The following TRIM9 variants were observed in gnomAD, a reference collection of about 807,000 sequenced individuals.
TRIM9 encodes the protein E3 ubiquitin-protein ligase TRIM9.
Under a neutral mutation model 78.3 loss-of-function variants are expected in TRIM9, and 26 were observed. The observed-to-expected ratio is 0.33, with a 90% confidence interval of 0.24 to 0.46. The LOEUF (loss-of-function observed/expected upper bound fraction) is 0.46. Ranked by LOEUF, TRIM9 falls within the 20% of genes least tolerant of loss-of-function variation. The pLI is 1.00. For synonymous variants in TRIM9, 398 were observed against 416.5 expected (o/e 0.96, Z 0.54); for missense variants, 787 against 1,036.4 (o/e 0.76, Z 3.30).
intron 5 of TRIM9, among the ~76,000 whole-genome samples, chr14:51,006,732 GT>G (rs1250617331): frequency 2.0e-5 from 3 of 152,174 alleles, no homozygotes; most frequent in African/African-American, 7.2e-5. Context: ...ATGAATCATT[GT>G]TCTGTTTTTT....
chr14:51,051,246 T>C (rs1006728099), intron 1 of TRIM9, among the ~76,000 whole-genome samples: 2 of 152,190 alleles, frequency 1.3e-5, no homozygotes, highest in African/African-American at 4.8e-5. Context: ...CTTTTGTCTT[T>C]GCAAGAAAGG....
At chr14:51,016,965 G>T (rs998557139) in intron 3 of TRIM9, among the ~76,000 whole-genome samples, 2 of 152,186 alleles carry the variant, frequency 1.3e-5, no homozygotes, top group African/African-American at 4.8e-5. Flanking sequence ...TTGATCAGGA[G>T]GGAGTTTCTA....
At chr14:51,008,309 A>G (rs1274068508) in intron 5 of TRIM9, among the ~76,000 whole-genome samples, 1 of 152,224 alleles carries the variant, frequency 6.6e-6, no homozygotes, top group Non-Finnish European at 1.5e-5. Flanking sequence ...ATATTATGTT[A>G]TAGCTACAAG....
intron 3 of TRIM9, among the ~76,000 whole-genome samples, chr14:51,019,747 C>A (rs1209618519): frequency 6.6e-6 from 1 of 152,192 alleles, no homozygotes; most frequent in Non-Finnish European, 1.5e-5. Flanking sequence ...GGTACCACTT[C>A]CAGCCTTATT....
intron 8 of TRIM9, among the ~76,000 whole-genome samples, chr14:50,984,382 T>G (rs2052420531): frequency 2.0e-5 from 3 of 152,268 alleles, no homozygotes; most frequent in Admixed American, 2.0e-4. Context: ...ATGGCTGAGT[T>G]AAAAACAAAA....
At chr14:51,003,424 T>C (rs1741486913) in intron 5 of TRIM9, among the ~76,000 whole-genome samples, 1 of 152,146 alleles carries the variant, frequency 6.6e-6, no homozygotes, top group Admixed American at 6.5e-5. Context: ...TTCAGGTAAG[T>C]CTACATTTCA....
intron 1 of TRIM9, among the ~76,000 whole-genome samples, chr14:51,056,339 A>G (rs1449324646): frequency 6.6e-6 from 1 of 152,220 alleles, no homozygotes; most frequent in Non-Finnish European, 1.5e-5. Flanking sequence ...CTGTGGGTCC[A>G]ACCCACTAGA....
intron 1 of TRIM9, among the ~76,000 whole-genome samples, chr14:51,088,639 C>T (rs150884250): frequency 4.7e-5 from 7 of 149,602 alleles, no homozygotes; most frequent in South Asian, 4.2e-4. Context: ...GGAGTAATTT[C>T]GAGTTGGTAA....
At chr14:51,063,626 C>G (rs926966552) in intron 1 of TRIM9, among the ~76,000 whole-genome samples, 1 of 151,750 alleles carries the variant, frequency 6.6e-6, no homozygotes, top group African/African-American at 2.4e-5. Flanking sequence ...GGGAGTGACA[C>G]TATAAGTAAC....
At chr14:51,049,416 A>T (rs59978383) in intron 1 of TRIM9, among the ~76,000 whole-genome samples, 27 of 152,226 alleles carry the variant, frequency 1.8e-4, no homozygotes, top group African/African-American at 5.1e-4. Context: ...AGGCACATCT[A>T]CTACAGGGCT....
At chr14:50,982,713 T>C (rs575061825) in intron 10 of TRIM9, 2 of 507,568 alleles carry the variant, frequency 3.9e-6, no homozygotes, top group African/African-American at 3.8e-5. Context: ...ACAGTTTGCG[T>C]GCTACTCCTG....
chr14:50,988,604 C>T (rs1257288587), intron 7 of TRIM9, among the ~76,000 whole-genome samples: 1 of 149,822 alleles, frequency 6.7e-6, no homozygotes, highest in Non-Finnish European at 1.5e-5. Flanking sequence ...GTTTTTTCCC[C>T]ATCTATGACC....
chr14:51,061,610 T>A (rs1168209351), intron 1 of TRIM9, among the ~76,000 whole-genome samples: 1 of 152,142 alleles, frequency 6.6e-6, no homozygotes, highest in Non-Finnish European at 1.5e-5. Flanking sequence ...GAAAATATAT[T>A]CCCCTATATT....
intron 1 of TRIM9, among the ~76,000 whole-genome samples, chr14:51,063,043 G>A (rs1322086689): frequency 6.6e-6 from 1 of 152,142 alleles, no homozygotes; most frequent in African/African-American, 2.4e-5. Flanking sequence ...TGAGCCAGAT[G>A]TTGGAATTAG....
chr14:51,065,637 G>A (rs2055253873), intron 1 of TRIM9, among the ~76,000 whole-genome samples: 1 of 152,194 alleles, frequency 6.6e-6, no homozygotes, highest in African/African-American at 2.4e-5. Flanking sequence ...TTAGATTTAA[G>A]CTGATGAGGG....
In TRIM9 at chr14:51,003,209, C is replaced by T. The variant is rs546316944; in HGVS notation, c.1307-2369G>A. On this transcript the variant is annotated intron_variant, in intron 5 of 12. Coordinates refer to ENST00000684578, the MANE Select transcript of TRIM9 (RefSeq NM_001387360.1). ...TAAATTTGTTTTCTTTATTAAAATA[C>T]ATTTTTAACATATTTACTACGGAAG... Among the ~76,000 whole-genome samples, 305 of 152,220 alleles carry T rather than the reference C, an allele frequency of 2.0e-3. 1 individual carries two copies. The highest frequency in any genetic ancestry group is 3.3e-3 in the Non-Finnish European group (225 of 68,010).
chr14:51,061,635 T>C (rs975105095), intron 1 of TRIM9, among the ~76,000 whole-genome samples: 1 of 152,216 alleles, frequency 6.6e-6, no homozygotes, highest in African/African-American at 2.4e-5. Context: ...TCTAGGAGCT[T>C]AATGATTGTA....
chr14:51,043,861 A>C (rs1224787102), intron 1 of TRIM9, among the ~76,000 whole-genome samples: 8 of 152,182 alleles, frequency 5.3e-5, no homozygotes, highest in Non-Finnish European at 1.2e-4. Context: ...CAGTATAGAA[A>C]GCTTAAAGCT....
intron 1 of TRIM9, among the ~76,000 whole-genome samples, chr14:51,039,887 C>T (rs1348777680): frequency 6.6e-6 from 1 of 152,064 alleles, no homozygotes; most frequent in Non-Finnish European, 1.5e-5. Context: ...GCTGGGACTA[C>T]AGGCGCCCGC....
Sources: gnomAD v4.1 joint callset for allele counts (sites outside exome capture counted in the v4.1 genomes callset) on GRCh38, gnomAD v4.1.1 for gene constraint, MANE v1.5 for transcripts, NCBI Gene and HGNC (gene_info 2026-07-23, HGNC 2026-07-21) for gene names.